ANKIB1: variants seen among roughly 807,000 people sequenced by gnomAD.
ANKIB1 encodes the protein ankyrin repeat and IBR domain-containing protein 1.
ANKIB1 carries 43 observed loss-of-function variants against 122.1 expected under a neutral mutation model. The observed-to-expected ratio is 0.35, with a 90% CI of 0.28 to 0.45. ANKIB1 has a LOEUF of 0.45. Among genes scored for constraint, ANKIB1 ranks in the 20% least tolerant of loss-of-function variants. The pLI is 1.00. For synonymous variants in ANKIB1, 390 were observed against 442.0 expected, an observed-to-expected ratio of 0.88 and a Z score of 1.48; for missense variants, 992 against 1,329.5, an observed-to-expected ratio of 0.75 and a Z score of 3.95.
chr7:92,352,713 T>C (rs769325757), intron 9 of ANKIB1, 71 bp downstream of exon 9: 1 of 1,457,778 alleles, frequency 6.9e-7, no homozygotes, highest in Non-Finnish European at 9.2e-7. Flanking sequence ...CTTTGCACCT[T>C]GAGTCAGGCC....
intron 4 of ANKIB1, among the ~76,000 whole-genome samples, chr7:92,325,728 T>A (rs1166882215): frequency 1.3e-5 from 2 of 152,154 alleles, no homozygotes; most frequent in Non-Finnish European, 2.9e-5. Context: ...CTTTCATAAC[T>A]TCTTTATGTG....
chr7:92,342,524 A>G (rs752626281), intron 5 of ANKIB1, among the ~76,000 whole-genome samples: 45 of 152,262 alleles, frequency 3.0e-4, no homozygotes, highest in African/African-American at 9.6e-4. Context: ...TTATAACTCT[A>G]ATTTCTTCGG....
chr7:92,291,567 C>CTTTTTTT, intron 1 of ANKIB1, among the ~76,000 whole-genome samples: 213 of 116,436 alleles, frequency 1.8e-3, no homozygotes, highest in Non-Finnish European at 2.3e-3. Flanking sequence ...TTTTCTTTTT[C>CTTTTTTT]TTTTTTTTTT....
At chr7:92,263,537 T>C (rs925901028) in intron 1 of ANKIB1, among the ~76,000 whole-genome samples, 1 of 152,166 alleles carries the variant, frequency 6.6e-6, no homozygotes. Context: ...GCATATCCAG[T>C]TTTTTCTTCC....
chr7:92,259,146 A>G (rs1801509539), intron 1 of ANKIB1, among the ~76,000 whole-genome samples: 3 of 152,008 alleles, frequency 2.0e-5, no homozygotes, highest in Non-Finnish European at 4.4e-5. Flanking sequence ...GGTGGAGATG[A>G]GGTTTTGCCA....
intron 17 of ANKIB1, 119 bp downstream of exon 17, chr7:92,392,411 T>G: frequency 1.2e-6 from 1 of 850,930 alleles, no homozygotes; most frequent in Non-Finnish European, 1.8e-6. Context: ...CTCTTTCTTT[T>G]GTAACAAAAA....
intron 3 of ANKIB1, among the ~76,000 whole-genome samples, chr7:92,310,663 A>G (rs753251599): frequency 6.6e-6 from 1 of 152,188 alleles, no homozygotes; most frequent in Non-Finnish European, 1.5e-5. Context: ...CTTATAGAAA[A>G]TGGCACAGTA....
chr7:92,325,589 C>CT (rs987479625), intron 4 of ANKIB1, among the ~76,000 whole-genome samples: 6 of 151,760 alleles, frequency 4.0e-5, no homozygotes, highest in African/African-American at 1.4e-4. Flanking sequence ...ATCTTTTAAA[C>CT]TTTTAACAGT....
Position 92,387,850 on chromosome 7 carries a change from A to G in ANKIB1, c.1805A>G (p.Tyr602Cys), listed in dbSNP as rs1212943881. Residue 602 changes from tyrosine to cysteine, a missense_variant, in exon 13 of 20, where the codon TAT (tyrosine) becomes TGT (cysteine). Physicochemically the swap from Tyr to Cys is radical, Grantham distance 194. Around this residue, in one of 4 missense-constraint regions of ANKIB1, gnomAD observed 521 missense variants for 777.7 expected, o/e 0.67. Transcript: ENST00000265742. ...GAACTTGACAGATTTATGCACTATT[A>G]TACAAGATTTAAAAACCATGAGCAT... is the stretch of plus-strand genomic sequence containing the variant. Reference protein sequence around the residue: ...FQELDRFMHYYTRFKNHEHSY... With the variant: ...FQELDRFMHYCTRFKNHEHSY... 1 of 1,612,836 alleles carries G rather than the reference A, an allele frequency of 6.2e-7. No individual in the cohort carries two copies. The highest frequency in any genetic ancestry group is 8.5e-7 in the Non-Finnish European group (1 of 1,179,500).
chr7:92,246,942 A>G (rs183176939), intron 1 of ANKIB1, among the ~76,000 whole-genome samples: 35 of 152,296 alleles, frequency 2.3e-4, no homozygotes, highest in African/African-American at 7.7e-4. Flanking sequence ...ATGGGTGGGG[A>G]TAGGTGCAGA....
rs1260701983 is a variant in ANKIB1 at position 92,362,293 on chromosome 7, G to C, written c.1486+20G>C. ...AAGAACGTAAGAGGAATTTTAGATA[G>C]CTTTGCTGCATATTTCCTGATAGCA... On this transcript the variant is annotated intron_variant, in intron 10 of 19. Coordinates refer to ENST00000265742, the MANE Select transcript of ANKIB1 (RefSeq NM_019004.2). The C allele has an allele frequency of 6.4e-7, 1 of 1,559,060 alleles. No homozygotes were observed.
chr7:92,334,054 A>T (rs1562784904), intron 5 of ANKIB1, among the ~76,000 whole-genome samples: 1 of 152,152 alleles, frequency 6.6e-6, no homozygotes, highest in Non-Finnish European at 1.5e-5. Flanking sequence ...GACTATATGT[A>T]AGAAAATTGT....
intron 4 of ANKIB1, among the ~76,000 whole-genome samples, chr7:92,326,269 C>G (rs755586193): frequency 1.3e-5 from 2 of 152,132 alleles, no homozygotes; most frequent in Non-Finnish European, 2.9e-5. Flanking sequence ...TCTTAATTTA[C>G]CTAAAATTAA....
intron 1 of ANKIB1, among the ~76,000 whole-genome samples, chr7:92,253,337 C>A (rs1223797444): frequency 6.6e-6 from 1 of 152,190 alleles, no homozygotes; most frequent in African/African-American, 2.4e-5. Context: ...CCTTCATCTA[C>A]CCCTACTAAC....
intron 7 of ANKIB1, among the ~76,000 whole-genome samples, chr7:92,349,123 G>T (rs956865171): frequency 6.6e-6 from 1 of 152,156 alleles, no homozygotes; most frequent in Non-Finnish European, 1.5e-5. Context: ...TTGTGCCCAA[G>T]GTAAGAGCCA....
chr7:92,356,964 A>T (rs1803828410), intron 9 of ANKIB1, among the ~76,000 whole-genome samples: 1 of 152,198 alleles, frequency 6.6e-6, no homozygotes, highest in South Asian at 2.1e-4. Flanking sequence ...TACTTAATTC[A>T]CTCAGAATTG....
At chr7:92,380,975 T>A (rs986701627) in intron 11 of ANKIB1, among the ~76,000 whole-genome samples, 2 of 152,074 alleles carry the variant, frequency 1.3e-5, no homozygotes, top group African/African-American at 2.4e-5. Flanking sequence ...AAGGAGGAAG[T>A]TCGAACCCAT....
At position 92,294,972 on chromosome 7, in the gene ANKIB1, A is replaced by G. The variant is rs375784958; in HGVS notation, c.-7A>G. The G allele has an allele frequency of 1.3e-6, 2 of 1,583,902 alleles. No individual in the cohort carries two copies. Among genetic ancestry groups the G allele is most frequent in the African/African-American group, 2.7e-5 (2 of 74,200 alleles). ...GCCACTGCCTATCAGAAAAAACAAA[A>G]CAAAACATGGGAAATACAACCACCA... On this transcript the variant is annotated 5_prime_UTR_variant, in exon 2 of 20. Transcript: ENST00000265742.
intron 10 of ANKIB1, among the ~76,000 whole-genome samples, chr7:92,368,687 C>T (rs1804158654): frequency 6.6e-6 from 1 of 151,626 alleles, no homozygotes; most frequent in Non-Finnish European, 1.5e-5. Flanking sequence ...TGCCATTGCA[C>T]TCCAGCCTGG....
Sources: gnomAD v4.1 joint callset for allele counts (sites outside exome capture counted in the v4.1 genomes callset) on GRCh38, gnomAD v4.1.1 for gene constraint, gnomAD v4.1.1 regional missense constraint, MANE v1.5 for transcripts, NCBI Gene and HGNC (gene_info 2026-07-23, HGNC 2026-07-21) for gene names.